Variants in CNTNAP4 observed in about 807,000 individuals in gnomAD.
CNTNAP4 encodes contactin associated protein family member 4, also known as contactin-associated protein-like 4.
A neutral mutation model predicts 148.4 loss-of-function variants in CNTNAP4; 98 were observed. That is an observed-to-expected ratio of 0.66 (90% confidence interval 0.56 to 0.78). The LOEUF (loss-of-function observed/expected upper bound fraction) is 0.78, where lower values mean the gene tolerates loss of function less well. Among genes scored for constraint, CNTNAP4 ranks in the 30% least tolerant of loss-of-function variants. The probability of loss-of-function intolerance (pLI) is 0.00; values close to 1 mark genes in which losing one functional copy is unlikely to be tolerated. For missense variants in CNTNAP4, 1,935 were observed against 1,565.6 expected, an observed-to-expected ratio of 1.24 and a Z score of -3.98; for synonymous variants, 730 against 565.1, an observed-to-expected ratio of 1.29 and a Z score of -4.14.
chr16:76,556,122 G>T (rs2085187567), intron 23 of CNTNAP4, among the ~76,000 whole-genome samples: 1 of 152,008 alleles, frequency 6.6e-6, no homozygotes, highest in South Asian at 2.1e-4. Flanking sequence ...CATCTTAGAT[G>T]ATTTTTTTTT....
At chr16:76,549,431 C>G (rs568127195) in intron 21 of CNTNAP4, among the ~76,000 whole-genome samples, 80 of 152,028 alleles carry the variant, frequency 5.3e-4, no homozygotes, top group Non-Finnish European at 1.0e-3. Flanking sequence ...TGTGAGCCAC[C>G]TAAGGTGATC....
chr16:76,531,175 A>G (rs2083969752), intron 17 of CNTNAP4, among the ~76,000 whole-genome samples: 1 of 152,184 alleles, frequency 6.6e-6, no homozygotes, highest in Non-Finnish European at 1.5e-5. Context: ...GTTGTTCCCA[A>G]TTAATTCTCA....
chr16:76,461,933 TCTAA>T lies in CNTNAP4; in HGVS notation c.1334-20_1334-17del. ...ATAGTGTTCACTATTGAGAGCGATC[TCTAA>T]CTGATTTCATCTCCCTAGGTGTCGA... On this transcript the variant is annotated intron_variant, in intron 8 of 23. Transcript: ENST00000611870. 1 of 1,610,720 alleles carries T rather than the reference TCTAA, an allele frequency of 6.2e-7. No homozygotes were observed. Among genetic ancestry groups the T allele is most frequent in the Non-Finnish European group, 8.5e-7 (1 of 1,177,184 alleles).
chr16:76,413,966 CA>C (rs1186270352), intron 3 of CNTNAP4, among the ~76,000 whole-genome samples: 2 of 151,098 alleles, frequency 1.3e-5, no homozygotes, highest in African/African-American at 4.8e-5. Flanking sequence ...ATAGATTTTT[CA>C]AATTTCCTAC....
In CNTNAP4 at chr16:76,413,938, AC is replaced by A. The variant is rs548986957; in HGVS notation, c.391-13513del. ...TTATATATAGACTTTTATCTAACAG[AC>A]TTGCTAAACTAATTCTATAGATTTT... On this transcript the variant is annotated intron_variant, in intron 3 of 23. Coordinates refer to ENST00000611870, the MANE Select transcript of CNTNAP4 (RefSeq NM_033401.5). 9.3e-4 allele frequency among the ~76,000 whole-genome samples: 141 copies of A among 151,378 alleles called. 1 individual carries two copies. The highest frequency in any genetic ancestry group is 3.2e-3 in the African/African-American group (133 of 41,478).
chr16:76,475,349 TCA>T (rs1353583607), intron 10 of CNTNAP4, among the ~76,000 whole-genome samples: 1 of 152,214 alleles, frequency 6.6e-6, no homozygotes, highest in Non-Finnish European at 1.5e-5. Context: ...AGCTAGTTAG[TCA>T]CACGGTGTTT....
intron 2 of CNTNAP4, among the ~76,000 whole-genome samples, chr16:76,342,336 G>T (rs1460498208): frequency 1.3e-5 from 2 of 151,926 alleles, no homozygotes; most frequent in Non-Finnish European, 2.9e-5. Context: ...CTTCTTCTCA[G>T]TTATGCATCT....
At chr16:76,528,287 C>G (rs1194013420) in intron 17 of CNTNAP4, among the ~76,000 whole-genome samples, 1 of 151,960 alleles carries the variant, frequency 6.6e-6, no homozygotes, top group Non-Finnish European at 1.5e-5. Flanking sequence ...TGAGATGGAT[C>G]TCTCTCTCTG....
intron 2 of CNTNAP4, among the ~76,000 whole-genome samples, chr16:76,338,166 A>G (rs920254138): frequency 1.3e-5 from 2 of 152,220 alleles, no homozygotes; most frequent in Non-Finnish European, 1.5e-5. Flanking sequence ...AATCTTCACA[A>G]TTTATGTTCA....
intron 17 of CNTNAP4, among the ~76,000 whole-genome samples, chr16:76,527,633 GTAA>G (rs1877132441): frequency 6.6e-6 from 1 of 152,038 alleles, no homozygotes; most frequent in South Asian, 2.1e-4. Context: ...GAGACTGATG[GTAA>G]TAATAATAAT....
At chr16:76,415,167 C>G (rs992321576) in intron 3 of CNTNAP4, among the ~76,000 whole-genome samples, 4 of 151,124 alleles carry the variant, frequency 2.6e-5, no homozygotes, top group Non-Finnish European at 5.9e-5. Context: ...AGTATGTTTT[C>G]TAAACACACA....
intron 15 of CNTNAP4, among the ~76,000 whole-genome samples, chr16:76,519,631 C>A (rs2083384204): frequency 6.6e-6 from 1 of 152,174 alleles, no homozygotes; most frequent in Admixed American, 6.6e-5. Context: ...TTATCCCTGA[C>A]TTGATATTTT....
chr16:76,390,785 C>T (rs897129727), intron 3 of CNTNAP4, among the ~76,000 whole-genome samples: 5 of 152,168 alleles, frequency 3.3e-5, no homozygotes, highest in African/African-American at 1.2e-4. Context: ...CTTTCAAGCA[C>T]TTCTGGGTTT....
At chr16:76,556,697 A>G (rs771191696) in intron 23 of CNTNAP4, among the ~76,000 whole-genome samples, 7 of 152,270 alleles carry the variant, frequency 4.6e-5, no homozygotes, top group Non-Finnish European at 1.0e-4. Flanking sequence ...GAAGCAAAAT[A>G]TGTAACAACA....
rs112160167 is a variant in CNTNAP4 at position 76,520,802 on chromosome 16, C to G, written c.2366-338C>G. Reference sequence around the variant, plus strand: ...AAGTTATAAAAGATTGCCTATTTATCAATGTTTGGCAGATCGTATAATATC... The same window carrying G: ...AAGTTATAAAAGATTGCCTATTTATGAATGTTTGGCAGATCGTATAATATC... On this transcript the variant is annotated intron_variant, in intron 15 of 23. Transcript: ENST00000611870. Among the ~76,000 whole-genome samples, 10 of 152,208 alleles carry G rather than the reference C, an allele frequency of 6.6e-5. 1 individual carries two copies. Among genetic ancestry groups the G allele is most frequent in the African/African-American group, 2.4e-4 (10 of 41,552 alleles).
intron 3 of CNTNAP4, among the ~76,000 whole-genome samples, chr16:76,411,448 A>C (rs993296188): frequency 1.3e-5 from 2 of 151,366 alleles, no homozygotes; most frequent in African/African-American, 4.8e-5. Context: ...GTTTTCTTTC[A>C]GCACTGAACA....
At chr16:76,548,485 T>C (rs1046300742) in intron 21 of CNTNAP4, among the ~76,000 whole-genome samples, 1 of 151,958 alleles carries the variant, frequency 6.6e-6, no homozygotes, top group Non-Finnish European at 1.5e-5. Context: ...ACATGTATTG[T>C]CGTATCTTTC....
At chr16:76,298,241 A>G (rs1959518446) in intron 1 of CNTNAP4, among the ~76,000 whole-genome samples, 1 of 152,218 alleles carries the variant, frequency 6.6e-6, no homozygotes, top group African/African-American at 2.4e-5. Flanking sequence ...TCTGGAGGCC[A>G]TTCCAAGCTG....
intron 15 of CNTNAP4, among the ~76,000 whole-genome samples, chr16:76,514,565 G>A (rs2083167955): frequency 6.6e-6 from 1 of 152,032 alleles, no homozygotes; most frequent in South Asian, 2.1e-4. Flanking sequence ...CTATCTTACT[G>A]TATGTGCATG....
Sources: allele counts gnomAD v4.1 joint callset (sites outside exome capture counted in the v4.1 genomes callset), GRCh38; gene constraint gnomAD v4.1.1; transcripts MANE v1.5; gene names NCBI Gene and HGNC (gene_info 2026-07-23, HGNC 2026-07-21).